The following GNA12 variants were observed in gnomAD, a reference collection of about 807,000 sequenced individuals.
GNA12 encodes guanine nucleotide-binding protein subunit alpha-12.
A neutral mutation model predicts 26.0 loss-of-function variants in GNA12; 9 were observed. That is an observed-to-expected ratio of 0.35 (90% confidence interval 0.21 to 0.60). The LOEUF (loss-of-function observed/expected upper bound fraction) is 0.60. Ranked by LOEUF, GNA12 falls within the 20% of genes least tolerant of loss-of-function variation. The pLI is 0.78. For synonymous variants in GNA12, 264 were observed against 219.6 expected (o/e 1.20, Z -1.79); for missense variants, 405 against 525.8 (o/e 0.77, Z 2.25).
chr7:2,792,174 T>A (rs1427313689), intron 2 of GNA12, among the ~76,000 whole-genome samples: 1 of 152,214 alleles, frequency 6.6e-6, no homozygotes, highest in Non-Finnish European at 1.5e-5. Context: ...TCTTCTTCAC[T>A]GCTATATCCC....
At chr7:2,833,778 C>G (rs1440903342) in intron 1 of GNA12, among the ~76,000 whole-genome samples, 1 of 152,026 alleles carries the variant, frequency 6.6e-6, no homozygotes, top group Non-Finnish European at 1.5e-5. Flanking sequence ...ATGCTTCTGC[C>G]GCCACGCAAA....
At chr7:2,838,191 G>A (rs1245099861) in intron 1 of GNA12, among the ~76,000 whole-genome samples, 1 of 149,838 alleles carries the variant, frequency 6.7e-6, no homozygotes, top group Non-Finnish European at 1.5e-5. Flanking sequence ...CTGTAATCTC[G>A]GCACTTTGGC....
At chr7:2,763,582 C>CA (rs1432725246) in intron 2 of GNA12, among the ~76,000 whole-genome samples, 2 of 152,124 alleles carry the variant, frequency 1.3e-5, no homozygotes, top group South Asian at 2.1e-4. Flanking sequence ...TAGCTCGAAA[C>CA]AAAAAACAAT....
chr7:2,762,502 G>C (rs1449353441), intron 2 of GNA12: 8 of 884,310 alleles, frequency 9.0e-6, no homozygotes, highest in Non-Finnish European at 1.3e-5. Context: ...GGTGTGAGTA[G>C]CCTAACTGTG....
intron 2 of GNA12, among the ~76,000 whole-genome samples, chr7:2,790,665 CT>C (rs1387258864): frequency 1.3e-5 from 2 of 152,164 alleles, no homozygotes; most frequent in Non-Finnish European, 2.9e-5. Flanking sequence ...TAACTAGATC[CT>C]AAAATTCAAA....
chr7:2,774,531 C>T (rs1198257965), intron 2 of GNA12, among the ~76,000 whole-genome samples: 4 of 152,194 alleles, frequency 2.6e-5, no homozygotes, highest in Non-Finnish European at 5.9e-5. Context: ...GCCAGTGCGC[C>T]TGCAGCAGTG....
Position 2,794,334 on chromosome 7 carries a change from T to C in GNA12, c.525+594A>G, listed in dbSNP as rs910046425. 5.9e-5 allele frequency among the ~76,000 whole-genome samples: 9 copies of C among 152,116 alleles called. No individual in the cohort carries two copies. In the East Asian group the frequency reaches 7.7e-4, roughly 13 times the overall value. ...ACATTTATGCTGGTTATCAGAAAAA[T>C]TGTACATTTTACTTTATATACGGTT... On this transcript the variant is annotated intron_variant, in intron 2 of 3. Coordinates refer to ENST00000275364, the MANE Select transcript of GNA12 (RefSeq NM_007353.3).
At chr7:2,837,277 C>T (rs889249942) in intron 1 of GNA12, among the ~76,000 whole-genome samples, 2 of 152,156 alleles carry the variant, frequency 1.3e-5, no homozygotes, top group African/African-American at 4.8e-5. Flanking sequence ...TCCCTAGAAT[C>T]AGCAACGCCC....
chr7:2,785,201 C>T (rs1197598654), intron 2 of GNA12, among the ~76,000 whole-genome samples: 4 of 152,082 alleles, frequency 2.6e-5, no homozygotes, highest in African/African-American at 9.7e-5. Context: ...CAAGAGCCAC[C>T]CCAGAGGAAA....
intron 2 of GNA12, among the ~76,000 whole-genome samples, chr7:2,777,091 C>T (rs1792096662): frequency 1.3e-5 from 2 of 152,164 alleles, no homozygotes; most frequent in African/African-American, 4.8e-5. Context: ...TAGTCCTGCA[C>T]CTGTGTAGCC....
intron 1 of GNA12, among the ~76,000 whole-genome samples, chr7:2,820,894 A>G (rs1793334711): frequency 6.6e-6 from 1 of 152,234 alleles, no homozygotes; most frequent in South Asian, 2.1e-4. Context: ...ATGCACCACC[A>G]TGGCCAGCTA....
At chr7:2,794,026 G>A (rs566497541) in intron 2 of GNA12, among the ~76,000 whole-genome samples, 2 of 152,168 alleles carry the variant, frequency 1.3e-5, no homozygotes, top group African/African-American at 2.4e-5. Flanking sequence ...GGGAAGAACC[G>A]CTGCTATGTG....
chr7:2,805,072 C>A (rs1792912450), intron 1 of GNA12, among the ~76,000 whole-genome samples: 1 of 152,188 alleles, frequency 6.6e-6, no homozygotes, highest in Non-Finnish European at 1.5e-5. Context: ...GGGGCCTCAG[C>A]ACACTGTGGT....
intron 1 of GNA12, among the ~76,000 whole-genome samples, chr7:2,810,895 T>C (rs1453948162): frequency 7.6e-6 from 1 of 131,484 alleles, no homozygotes; most frequent in Non-Finnish European, 1.6e-5. Context: ...TGAAACTCTG[T>C]CTTAAAAAAG....
At chr7:2,842,901 G>A (rs1583323350) in intron 1 of GNA12, among the ~76,000 whole-genome samples, 1 of 152,188 alleles carries the variant, frequency 6.6e-6, no homozygotes, top group East Asian at 1.9e-4. Flanking sequence ...GAGGGCACAG[G>A]TGAATAGGAT....
intron 1 of GNA12, among the ~76,000 whole-genome samples, chr7:2,801,474 C>T (rs143131482): frequency 2.4e-4 from 37 of 152,268 alleles, no homozygotes; most frequent in Middle Eastern, 3.4e-3. Flanking sequence ...AACACACACA[C>T]GCAAAACTGG....
intron 2 of GNA12, among the ~76,000 whole-genome samples, chr7:2,767,425 G>C (rs1791835121): frequency 6.6e-6 from 1 of 152,068 alleles, no homozygotes; most frequent in Non-Finnish European, 1.5e-5. Flanking sequence ...CAGTATAAGA[G>C]TTGTGGTACT....
rs1461920200 is a variant in GNA12, at chr7:2,737,270, TTTTGTTTTTTTTTTTTTTG to T, written c.526-3788_526-3770del. ...ATTCAGGAGCTATCTCACAGTTTTG[TTTTGTTTTTTTTTTTTTTG>T]TTTTTTTTTTTTTTTTTGAGATGGA... is the stretch of plus-strand genomic sequence containing the variant. On this transcript the variant is annotated intron_variant, in intron 2 of 3. Transcript: ENST00000275364. Among the ~76,000 whole-genome samples, 19 of 47,760 alleles carry T rather than the reference TTTTGTTTTTTTTTTTTTTG, an allele frequency of 4.0e-4. 1 individual carries two copies. The highest frequency in any genetic ancestry group is 1.2e-3 in the South Asian group (2 of 1,626). The allele number at this position is 47,760 out of a possible 152,430, so 31.3% of individuals were successfully genotyped here.
intron 2 of GNA12, chr7:2,762,854 A>C (rs1791630670): frequency 1.4e-6 from 2 of 1,479,494 alleles, no homozygotes; most frequent in African/African-American, 1.4e-5. Context: ...CCGAAGCAGG[A>C]GAGGGCCAGC....
Sources: gnomAD v4.1 joint callset for allele counts (sites outside exome capture counted in the v4.1 genomes callset) on GRCh38, gnomAD v4.1.1 for gene constraint, MANE v1.5 for transcripts, NCBI Gene and HGNC (gene_info 2026-07-23, HGNC 2026-07-21) for gene names.